ELMO1: variants seen among roughly 807,000 people sequenced by gnomAD.
ELMO1 encodes the protein engulfment and cell motility 1.
A neutral mutation model predicts 98.9 loss-of-function variants in ELMO1; 26 were observed. The observed-to-expected ratio is 0.26, with a 90% CI of 0.19 to 0.36. The LOEUF (loss-of-function observed/expected upper bound fraction) is 0.36. Ranked by LOEUF, ELMO1 falls within the 10% of genes least tolerant of loss-of-function variation. The probability of loss-of-function intolerance (pLI) is 1.00; values close to 1 mark genes in which losing one functional copy is unlikely to be tolerated. For synonymous variants in ELMO1, 346 were observed against 346.0 expected (o/e 1.00, Z 0.00); for missense variants, 627 against 935.2 (o/e 0.67, Z 4.30).
intron 15 of ELMO1, among the ~76,000 whole-genome samples, chr7:37,059,420 T>C (rs1796553703): frequency 6.6e-6 from 1 of 152,236 alleles, no homozygotes; most frequent in Non-Finnish European, 1.5e-5. Flanking sequence ...ATTATGTGCG[T>C]CAATCTTCTA....
intron 13 of ELMO1, among the ~76,000 whole-genome samples, chr7:37,161,541 G>A (rs981309255): frequency 1.7e-4 from 26 of 152,074 alleles, no homozygotes; most frequent in Admixed American, 1.0e-3. Context: ...TCTCCCACCC[G>A]GATGGTCACT....
chr7:37,377,249 T>C (rs1264531186), intron 1 of ELMO1, among the ~76,000 whole-genome samples: 3 of 152,088 alleles, frequency 2.0e-5, no homozygotes, highest in African/African-American at 7.2e-5. Flanking sequence ...CCCCCAAAAA[T>C]CTTAAGTTGA....
In ELMO1 at chr7:36,975,774, G is replaced by A. The variant is rs775282847; in HGVS notation, c.1437+37525C>T. On this transcript the variant is annotated intron_variant, in intron 16 of 21. Transcript: ENST00000310758. ...AGGCAGGAGAATTGCTTGAACCCAGGAGGCAGAGGTTGCAGTGAGCCGAGA... is the reference window on the plus strand; with the variant it reads ...AGGCAGGAGAATTGCTTGAACCCAGAAGGCAGAGGTTGCAGTGAGCCGAGA... Among the ~76,000 whole-genome samples the A allele has an allele frequency of 1.3e-4, 20 of 150,224 alleles. 1 individual carries two copies. The highest frequency in any genetic ancestry group is 5.9e-5 in the Non-Finnish European group (4 of 67,788).
chr7:37,077,561 G>A (rs1412399881), intron 15 of ELMO1, among the ~76,000 whole-genome samples: 2 of 152,228 alleles, frequency 1.3e-5, no homozygotes, highest in African/African-American at 4.8e-5. Context: ...GAGGAGGCAA[G>A]TATGCAGGCC....
chr7:37,042,959 C>T (rs917196665), intron 15 of ELMO1, among the ~76,000 whole-genome samples: 2 of 152,200 alleles, frequency 1.3e-5, no homozygotes, highest in African/African-American at 4.8e-5. Flanking sequence ...TTGTTCATTG[C>T]CTATCTCCAT....
intron 2 of ELMO1, among the ~76,000 whole-genome samples, chr7:37,332,799 G>A (rs1291134708): frequency 6.6e-6 from 1 of 152,200 alleles, no homozygotes; most frequent in African/African-American, 2.4e-5. Context: ...AGGACGTCTG[G>A]ATTCTATTCT....
intron 13 of ELMO1, 26 bp downstream of exon 13, chr7:37,211,360 G>A (rs1006566438): frequency 1.2e-6 from 2 of 1,613,522 alleles, no homozygotes; most frequent in Admixed American, 1.7e-5. Flanking sequence ...TGGAGGGAGA[G>A]CGCATACTGG....
At chr7:37,095,382 G>A (rs986460093) in intron 15 of ELMO1, among the ~76,000 whole-genome samples, 1 of 152,216 alleles carries the variant, frequency 6.6e-6, no homozygotes, top group Non-Finnish European at 1.5e-5. Context: ...AAATCTCAGC[G>A]AGTTAGTGTA....
intron 15 of ELMO1, among the ~76,000 whole-genome samples, chr7:37,077,720 C>A (rs915424123): frequency 6.6e-6 from 1 of 152,130 alleles, no homozygotes; most frequent in Non-Finnish European, 1.5e-5. Context: ...AAGTTTCAGG[C>A]GCCAACAACG....
At chr7:36,942,608 A>G (rs527956462) in intron 16 of ELMO1, among the ~76,000 whole-genome samples, 3 of 152,300 alleles carry the variant, frequency 2.0e-5, no homozygotes, top group East Asian at 3.9e-4. Flanking sequence ...TCACATAAAA[A>G]CCATAGATTT....
chr7:37,082,642 G>A (rs1021422113), intron 15 of ELMO1, among the ~76,000 whole-genome samples: 1 of 152,070 alleles, frequency 6.6e-6, no homozygotes, highest in African/African-American at 2.4e-5. Context: ...GATATGGGAG[G>A]ATCACTTGAA....
chr7:37,114,766 G>A lies in ELMO1; in HGVS notation c.1192-18039C>T, dbSNP rs140098521. 8.6e-5 allele frequency among the ~76,000 whole-genome samples: 13 copies of A among 151,984 alleles called. No homozygotes were observed. The East Asian group carries it at 2.5e-3, about 29-fold the overall frequency. The stretch of plus-strand genomic sequence containing the variant: ...AAGAAGTAAAAAAAAATAATGGAGT[G>A]GAAATCAGTGAAATTGAAAACTGGA... On this transcript the variant is annotated intron_variant, in intron 14 of 21. Coordinates refer to ENST00000310758, the MANE Select transcript of ELMO1 (RefSeq NM_014800.11).
intron 16 of ELMO1, among the ~76,000 whole-genome samples, chr7:36,974,312 CTG>C (rs1474767872): frequency 6.6e-6 from 1 of 152,214 alleles, no homozygotes; most frequent in East Asian, 1.9e-4. Context: ...AATCGACACT[CTG>C]TATCTAGCTG....
rs145435609 is a variant in ELMO1 at position 36,862,284 on chromosome 7, A to G, written c.1906-548T>C. 7.8e-3 allele frequency: 1,252 copies of G among 160,300 alleles called. 19 individuals are homozygous for G. The highest frequency in any genetic ancestry group is 0.029 in the African/African-American group (1,197 of 41,692). 9.9% of individuals were successfully genotyped at this position (160,300 alleles called of 1,614,324 possible). On this transcript the variant is annotated intron_variant, in intron 20 of 21. Coordinates refer to ENST00000310758, the MANE Select transcript of ELMO1 (RefSeq NM_014800.11). ...AAGGAGGCTGCTAGGTGAACCCATT[A>G]TCTTTATATCTGTCCTTTGACCTTT...
intron 3 of ELMO1, among the ~76,000 whole-genome samples, chr7:37,315,426 AC>A (rs201328989): frequency 5.3e-5 from 8 of 152,270 alleles, no homozygotes; most frequent in African/African-American, 1.9e-4. Flanking sequence ...TTAAAAAAAA[AC>A]AAAGTCATGC....
intron 1 of ELMO1, among the ~76,000 whole-genome samples, chr7:37,366,705 G>C (rs2131343300): frequency 6.6e-6 from 1 of 152,282 alleles, no homozygotes; most frequent in African/African-American, 2.4e-5. Context: ...CCCCCCTGTA[G>C]CATCACCTCC....
intron 13 of ELMO1, among the ~76,000 whole-genome samples, chr7:37,192,924 AT>A (rs1791700061): frequency 7.6e-6 from 1 of 131,400 alleles, no homozygotes; most frequent in Admixed American, 7.2e-5. Flanking sequence ...TATATATTAT[AT>A]ATAATTTATA....
At chr7:36,971,062 G>A (rs1458993876) in intron 16 of ELMO1, among the ~76,000 whole-genome samples, 1 of 152,228 alleles carries the variant, frequency 6.6e-6, no homozygotes, top group Non-Finnish European at 1.5e-5. Flanking sequence ...CAGGTATGGA[G>A]GCCTCACTGG....
intron 1 of ELMO1, among the ~76,000 whole-genome samples, chr7:37,432,667 G>A (rs1410953975): frequency 6.6e-6 from 1 of 152,230 alleles, no homozygotes; most frequent in Non-Finnish European, 1.5e-5. Context: ...TAAACGAAAT[G>A]TGGGTAACCA....
Sources: allele counts gnomAD v4.1 joint callset (sites outside exome capture counted in the v4.1 genomes callset), GRCh38; gene constraint gnomAD v4.1.1; transcripts MANE v1.5; gene names NCBI Gene and HGNC (gene_info 2026-07-23, HGNC 2026-07-21).